USP54: variants seen among roughly 807,000 people sequenced by gnomAD.
USP54 encodes the protein ubiquitin specific peptidase 54.
Under a neutral mutation model 170.5 loss-of-function variants are expected in USP54, and 87 were observed. The ratio of observed to expected loss-of-function variants is 0.51; its 90% confidence interval spans 0.43 to 0.61. USP54 has a LOEUF of 0.61. Ranked by LOEUF, USP54 falls within the 20% of genes least tolerant of loss-of-function variation. USP54 has a pLI of 0.00. For missense variants in USP54, 1,786 were observed against 2,047.8 expected (o/e 0.87, Z 2.47); for synonymous variants, 655 against 742.8 (o/e 0.88, Z 1.92).
rs752213167 is a variant in USP54 at position 73,516,606 on chromosome 10, G to A, written c.3820C>T (p.Leu1274Phe). 1 of 1,614,224 alleles carries A rather than the reference G, an allele frequency of 6.2e-7. No individual in the cohort carries two copies. Among genetic ancestry groups the A allele is most frequent in the Admixed American group, 1.7e-5 (1 of 60,032 alleles). ...VNITRFCDSQLKHGAPRPGMK... is the reference protein window; with the variant it reads ...VNITRFCDSQFKHGAPRPGMK... ...CCTGGCCTAGGTGCCCCATGCTTAAGCTGAGAATCACAGAACCTTGTGATA... is the reference window on the plus strand; with the variant it reads ...CCTGGCCTAGGTGCCCCATGCTTAAACTGAGAATCACAGAACCTTGTGATA... The change falls in exon 20 of 24, where the codon CTT (leucine) becomes TTT (phenylalanine). Residue 1274 changes from leucine to phenylalanine, a missense_variant. Leu to Phe is a conservative substitution (Grantham distance 22). Coordinates refer to ENST00000687698, the MANE Select transcript of USP54 (RefSeq NM_001391956.1).
chr10:73,498,569 C>T lies in USP54; in HGVS notation c.*60G>A, dbSNP rs1175515560. 10 of 1,470,298 alleles carry T rather than the reference C, an allele frequency of 6.8e-6. No homozygotes were observed. Among genetic ancestry groups the T allele is most frequent in the African/African-American group, 4.2e-5 (3 of 70,938 alleles). 91.1% of individuals were successfully genotyped at this position (1,470,298 alleles called of 1,614,324 possible). A position where few individuals can be genotyped will look rare whatever the true frequency, so the allele number is the denominator to read the frequency against. On this transcript the variant is annotated 3_prime_UTR_variant, in exon 24 of 24. Transcript: ENST00000687698. ...GATTACAGGTGTGAGCCACCGCGCC[C>T]GGCCCACAGTACAGTTTTACAAAGA...
intron 1 of USP54, among the ~76,000 whole-genome samples, chr10:73,602,884 T>C (rs996386044): frequency 6.8e-6 from 1 of 146,232 alleles, no homozygotes; most frequent in Non-Finnish European, 1.5e-5. Context: ...AAAAAAATAG[T>C]ATAATAGTGG....
Position 73,575,666 on chromosome 10 carries a change from C to A in USP54, c.-8G>T. 1.3e-6 allele frequency: 2 copies of A among 1,556,654 alleles called. No homozygotes were observed. The highest frequency in any genetic ancestry group is 1.2e-5 in the South Asian group (1 of 81,668). ...ATTTCTCTTCCAAGACATTATTGTT[C>A]ACATTTAGCCTGAAAAAAAAATGGA... On this transcript the variant is annotated 5_prime_UTR_variant, in exon 3 of 24. The change abolishes the stop of an existing upstream ORF in the 5' untranslated region. Coordinates refer to ENST00000687698, the MANE Select transcript of USP54 (RefSeq NM_001391956.1).
chr10:73,563,375 C>T (rs2073518777), intron 4 of USP54, among the ~76,000 whole-genome samples: 1 of 152,106 alleles, frequency 6.6e-6, no homozygotes, highest in Non-Finnish European at 1.5e-5. Context: ...TTTGGGTTTC[C>T]TATCCTGAGA....
At chr10:73,570,552 T>C (rs1283000102) in intron 4 of USP54, among the ~76,000 whole-genome samples, 1 of 144,546 alleles carries the variant, frequency 6.9e-6, no homozygotes, top group Non-Finnish European at 1.5e-5. Context: ...TCCTTTTTCT[T>C]TTTTTTTTTT....
intron 14 of USP54, 95 bp downstream of exon 14, chr10:73,530,048 G>C: frequency 1.3e-6 from 2 of 1,512,968 alleles, no homozygotes; most frequent in Non-Finnish European, 1.8e-6. Flanking sequence ...CAGAGTAAAA[G>C]TGCCCCTTGC....
At chr10:73,541,938 T>C in intron 7 of USP54, 200 bp from the exon 8 acceptor site, 1 of 578,842 alleles carries the variant, frequency 1.7e-6, no homozygotes, top group Non-Finnish European at 3.1e-6. Flanking sequence ...GAATCCCCAC[T>C]CCTCCTCCCA....
intron 4 of USP54, among the ~76,000 whole-genome samples, chr10:73,547,619 T>G (rs1219582213): frequency 6.6e-6 from 1 of 152,048 alleles, no homozygotes; most frequent in African/African-American, 2.4e-5. Flanking sequence ...CCTGACAAAA[T>G]CAAGAAATGG....
At chr10:73,579,656 C>G (rs1010351814) in intron 1 of USP54, among the ~76,000 whole-genome samples, 1 of 151,972 alleles carries the variant, frequency 6.6e-6, no homozygotes, top group Non-Finnish European at 1.5e-5. Context: ...ACTTGGGAGG[C>G]TGAGGCAGGA....
intron 11 of USP54, among the ~76,000 whole-genome samples, chr10:73,535,436 AG>A: frequency 6.6e-6 from 1 of 152,276 alleles, no homozygotes; most frequent in South Asian, 2.1e-4. Context: ...GGAGAAAGAA[AG>A]ACGTCAAAGT....
chr10:73,498,647 C>A lies in USP54; in HGVS notation c.5037G>T (p.Leu1679=). The part of the protein sequence containing the change: ...PRREQIRARV[L]QHSQW ...ATAACCTTTACCATTGACTGTGCTG[C>A]AGGACTCTAGCCCTGATCTGCTCTC... Residue 1679 remains leucine (L), a synonymous_variant, in exon 24 of 24, where the codon CTG becomes CTT. Coordinates refer to ENST00000687698, the MANE Select transcript of USP54 (RefSeq NM_001391956.1). The A allele has an allele frequency of 6.5e-7, 1 of 1,546,310 alleles. No individual in the cohort carries two copies. The highest frequency in any genetic ancestry group is 1.2e-5 in the South Asian group (1 of 80,676).
intron 9 of USP54, among the ~76,000 whole-genome samples, chr10:73,539,876 T>C (rs138210970): frequency 6.6e-6 from 1 of 151,010 alleles, no homozygotes; most frequent in African/African-American, 2.4e-5. Context: ...CTGTAATTCC[T>C]ACACTTTGGG....
intron 1 of USP54, among the ~76,000 whole-genome samples, chr10:73,597,169 G>C (rs547090120): frequency 6.6e-6 from 1 of 152,128 alleles, no homozygotes; most frequent in African/African-American, 2.4e-5. Flanking sequence ...GACATAAAGC[G>C]AACTAACTTT....
At chr10:73,572,589 A>G (rs144572643) in intron 3 of USP54, among the ~76,000 whole-genome samples, 5 of 152,336 alleles carry the variant, frequency 3.3e-5, no homozygotes, top group Middle Eastern at 3.4e-3. Flanking sequence ...TCCCAAGTAA[A>G]TAACACCTTT....
intron 1 of USP54, among the ~76,000 whole-genome samples, chr10:73,610,163 A>G (rs949074152): frequency 1.4e-4 from 21 of 151,948 alleles, no homozygotes; most frequent in African/African-American, 5.1e-4. Flanking sequence ...GGGTGACAGA[A>G]CAAGGCTCTG....
intron 4 of USP54, among the ~76,000 whole-genome samples, chr10:73,551,587 C>T (rs545103082): frequency 6.6e-6 from 1 of 152,288 alleles, no homozygotes; most frequent in African/African-American, 2.4e-5. Context: ...TTACAAATTG[C>T]ATAGTGGCCT....
intron 1 of USP54, among the ~76,000 whole-genome samples, chr10:73,614,439 T>C (rs951689807): frequency 1.3e-5 from 2 of 148,706 alleles, no homozygotes; most frequent in Admixed American, 6.7e-5. Flanking sequence ...TATGCACCTG[T>C]AGTCCCAGCT....
chr10:73,583,363 G>A (rs1264186742), intron 1 of USP54, among the ~76,000 whole-genome samples: 1 of 152,146 alleles, frequency 6.6e-6, no homozygotes, highest in East Asian at 1.9e-4. Context: ...TTGGCTTACT[G>A]CAACCTCAGT....
chr10:73,532,813 G>A (rs2133420264), intron 12 of USP54, among the ~76,000 whole-genome samples: 1 of 151,990 alleles, frequency 6.6e-6, no homozygotes, highest in African/African-American at 2.4e-5. Flanking sequence ...GCAATAAATT[G>A]CAAGGAAAAA....
Sources: gnomAD v4.1 joint callset for allele counts (sites outside exome capture counted in the v4.1 genomes callset) on GRCh38, gnomAD v4.1.1 for gene constraint, MANE v1.5 for transcripts, NCBI Gene and HGNC (gene_info 2026-07-23, HGNC 2026-07-21) for gene names.